The following ADGRB3 variants were observed in gnomAD, a reference collection of about 807,000 sequenced individuals.
The protein encoded by ADGRB3 is adhesion G protein-coupled receptor B3.
Under a neutral mutation model 193.4 loss-of-function variants are expected in ADGRB3, and 37 were observed. The ratio of observed to expected loss-of-function variants is 0.19; its 90% CI spans 0.15 to 0.25. ADGRB3 has a LOEUF of 0.25. Among genes scored for constraint, ADGRB3 ranks in the 10% least tolerant of loss-of-function variants. The pLI, the probability that ADGRB3 is intolerant of heterozygous loss-of-function variation, is 1.00. For missense variants in ADGRB3, 1,637 were observed against 1,852.9 expected, an observed-to-expected ratio of 0.88 and a Z score of 2.14; for synonymous variants, 690 against 644.2, an observed-to-expected ratio of 1.07 and a Z score of -1.08.
chr6:69,262,365 T>C (rs1326956701), intron 20 of ADGRB3, among the ~76,000 whole-genome samples: 1 of 152,056 alleles, frequency 6.6e-6, no homozygotes, highest in African/African-American at 2.4e-5. Flanking sequence ...GAAACTCAAA[T>C]ACTTTTGAGA....
At chr6:69,303,100 A>T (rs1359285350) in intron 20 of ADGRB3, among the ~76,000 whole-genome samples, 2 of 151,908 alleles carry the variant, frequency 1.3e-5, no homozygotes, top group Non-Finnish European at 2.9e-5. Flanking sequence ...AATTGATATT[A>T]TTTTCACAAT....
At chr6:69,144,400 T>G (rs551305456) in intron 17 of ADGRB3, among the ~76,000 whole-genome samples, 4 of 152,316 alleles carry the variant, frequency 2.6e-5, no homozygotes, top group Admixed American at 2.0e-4. Flanking sequence ...TGCCCTTTAT[T>G]TATTTATCTT....
At chr6:69,104,667 G>C (rs12524131) in intron 17 of ADGRB3, among the ~76,000 whole-genome samples, 2 of 151,708 alleles carry the variant, frequency 1.3e-5, no homozygotes, top group African/African-American at 4.8e-5. Context: ...CTACTTTTGT[G>C]GTAAGAAAAC....
At chr6:69,094,667 C>T (rs535866354) in intron 17 of ADGRB3, among the ~76,000 whole-genome samples, 4 of 152,120 alleles carry the variant, frequency 2.6e-5, no homozygotes, top group Non-Finnish European at 4.4e-5. Flanking sequence ...GCATTCAAAT[C>T]TTCATGGTTG....
At chr6:69,295,927 AG>A in intron 20 of ADGRB3, among the ~76,000 whole-genome samples, 3 of 152,192 alleles carry the variant, frequency 2.0e-5, no homozygotes, top group Non-Finnish European at 4.4e-5. Flanking sequence ...GAACCAGACT[AG>A]AATATGTCTA....
At chr6:68,807,500 A>G (rs1257328169) in intron 3 of ADGRB3, among the ~76,000 whole-genome samples, 1 of 151,826 alleles carries the variant, frequency 6.6e-6, no homozygotes, top group African/African-American at 2.4e-5. Context: ...TCAGCCTCCC[A>G]AAGTGCTGAG....
chr6:68,831,516 G>C (rs1767952778), intron 3 of ADGRB3, among the ~76,000 whole-genome samples: 1 of 151,974 alleles, frequency 6.6e-6, no homozygotes, highest in Non-Finnish European at 1.5e-5. Context: ...GTTTGGTTGG[G>C]GTTTCACAGT....
chr6:68,944,117 T>C, intron 6 of ADGRB3, 123 bp downstream of exon 6: 7 of 1,090,496 alleles, frequency 6.4e-6, no homozygotes, highest in East Asian at 4.9e-5. Context: ...GTCCTTTTCA[T>C]TGTATCTTGC....
chr6:69,292,169 A>T (rs1767700361), intron 20 of ADGRB3, among the ~76,000 whole-genome samples: 1 of 152,216 alleles, frequency 6.6e-6, no homozygotes, highest in Admixed American at 6.5e-5. Context: ...TGTAAAACTT[A>T]TATTAAATAC....
intron 11 of ADGRB3, among the ~76,000 whole-genome samples, chr6:68,999,457 G>A (rs961951811): frequency 4.6e-5 from 7 of 151,936 alleles, no homozygotes; most frequent in Non-Finnish European, 7.4e-5. Flanking sequence ...GTAGAGATGG[G>A]GTTTCACCGT....
intron 10 of ADGRB3, among the ~76,000 whole-genome samples, chr6:68,978,504 G>A (rs1768815428): frequency 6.6e-6 from 1 of 151,402 alleles, no homozygotes; most frequent in Non-Finnish European, 1.5e-5. Flanking sequence ...CTTTTTACAT[G>A]TTCAGTAAAG....
At chr6:68,714,104 TA>T (rs1273464240) in intron 3 of ADGRB3, among the ~76,000 whole-genome samples, 1 of 151,838 alleles carries the variant, frequency 6.6e-6, no homozygotes, top group Non-Finnish European at 1.5e-5. Flanking sequence ...CTCATTTTTT[TA>T]ACTATAAAAT....
chr6:68,817,346 TATATATA>T (rs1363952463), intron 3 of ADGRB3, among the ~76,000 whole-genome samples: 4 of 109,304 alleles, frequency 3.7e-5, no homozygotes, highest in Middle Eastern at 4.4e-3. Flanking sequence ...TATATATATA[TATATATA>T]TATATATAAT....
At chr6:68,670,765 T>G (rs1768933639) in intron 3 of ADGRB3, among the ~76,000 whole-genome samples, 1 of 151,938 alleles carries the variant, frequency 6.6e-6, no homozygotes, top group African/African-American at 2.4e-5. Context: ...TCCATACAAA[T>G]TTTTGGATCT....
intron 3 of ADGRB3, among the ~76,000 whole-genome samples, chr6:68,682,472 C>T (rs1160452661): frequency 2.0e-5 from 3 of 152,186 alleles, no homozygotes; most frequent in African/African-American, 7.2e-5. Flanking sequence ...TCATATAATG[C>T]ACTGCACAAG....
chr6:69,238,339 T>G (rs1766314416), intron 19 of ADGRB3, among the ~76,000 whole-genome samples: 1 of 152,084 alleles, frequency 6.6e-6, no homozygotes, highest in Admixed American at 6.6e-5. Context: ...TGTTACTCTT[T>G]CAGGGTAAAC....
chr6:68,874,012 GAA>G (rs1391073155), intron 3 of ADGRB3, among the ~76,000 whole-genome samples: 5 of 151,946 alleles, frequency 3.3e-5, no homozygotes, highest in Admixed American at 6.6e-5. Context: ...TATAATGATT[GAA>G]CACTGAAGAT....
At chr6:69,296,340 G>A (rs1014445637) in intron 20 of ADGRB3, among the ~76,000 whole-genome samples, 19 of 152,042 alleles carry the variant, frequency 1.2e-4, no homozygotes, top group Admixed American at 8.5e-4. Context: ...CATTACAAAC[G>A]AGAGGCTCAG....
At chr6:68,900,413 A>G (rs1191560544) in intron 3 of ADGRB3, among the ~76,000 whole-genome samples, 1 of 152,184 alleles carries the variant, frequency 6.6e-6, no homozygotes, top group Non-Finnish European at 1.5e-5. Context: ...TGACAGGGAA[A>G]GTAGCCACAA....
Sources: gnomAD v4.1 joint callset for allele counts (sites outside exome capture counted in the v4.1 genomes callset) on GRCh38, gnomAD v4.1.1 for gene constraint, MANE v1.5 for transcripts, NCBI Gene and HGNC (gene_info 2026-07-23, HGNC 2026-07-21) for gene names.